GOT1: variants seen among roughly 807,000 people sequenced by gnomAD.
GOT1 encodes glutamic-oxaloacetic transaminase 1.
GOT1 carries 25 observed loss-of-function variants against 48.2 expected under a neutral mutation model. That is an observed-to-expected ratio of 0.52 (90% CI 0.38 to 0.72). The LOEUF is 0.72. Ranked by LOEUF, GOT1 falls within the 30% of genes least tolerant of loss-of-function variation. The pLI is 0.00. For missense variants in GOT1, 380 were observed against 520.1 expected, an observed-to-expected ratio of 0.73 and a Z score of 2.62; for synonymous variants, 188 against 193.8, an observed-to-expected ratio of 0.97 and a Z score of 0.25.
At chr10:99,406,073 C>A in intron 4 of GOT1, 64 bp downstream of exon 4, 2 of 1,148,672 alleles carry the variant, frequency 1.7e-6, no homozygotes, top group Non-Finnish European at 2.6e-6. Flanking sequence ...GCAACTGGTC[C>A]AAAGACTTTG....
At chr10:99,399,144 C>G (rs1327523893) in intron 8 of GOT1, among the ~76,000 whole-genome samples, 1 of 152,204 alleles carries the variant, frequency 6.6e-6, no homozygotes, top group Non-Finnish European at 1.5e-5. Context: ...AGATCTGTAT[C>G]TGTAGAGAAA....
chr10:99,402,426 A>T (rs1337622310), intron 8 of GOT1, among the ~76,000 whole-genome samples, 154 bp downstream of exon 8: 1 of 152,230 alleles, frequency 6.6e-6, no homozygotes, highest in African/African-American at 2.4e-5. Flanking sequence ...AGATGGTGGG[A>T]CACCCTAAGA....
chr10:99,406,899 A>G lies in GOT1; in HGVS notation c.301-50T>C, dbSNP rs771193767. ...AGGCTGATAATGGTGAGGTCAGATAATATTTACAAAAATAAGGTAATAATG... is the reference window on the plus strand; with the variant it reads ...AGGCTGATAATGGTGAGGTCAGATAGTATTTACAAAAATAAGGTAATAATG... On this transcript the variant is annotated intron_variant, in intron 2 of 8. Coordinates refer to ENST00000370508, the MANE Select transcript of GOT1 (RefSeq NM_002079.3). The G allele has an allele frequency of 2.5e-6, 4 of 1,588,892 alleles. No individual in the cohort carries two copies. In the Admixed American group the frequency reaches 5.0e-5, roughly 20 times the overall value.
chr10:99,400,839 G>T (rs1208246661), intron 8 of GOT1, among the ~76,000 whole-genome samples: 1 of 152,304 alleles, frequency 6.6e-6, no homozygotes, highest in East Asian at 1.9e-4. Flanking sequence ...TACTTGAGAG[G>T]CTGAGGCAGG....
intron 2 of GOT1, among the ~76,000 whole-genome samples, chr10:99,415,189 C>T (rs1371107451): frequency 4.0e-5 from 6 of 151,626 alleles, no homozygotes; most frequent in African/African-American, 7.3e-5. Flanking sequence ...ATTGATAGAC[C>T]GCTAGCAAGA....
chr10:99,411,195 G>A (rs1168276116), intron 2 of GOT1, among the ~76,000 whole-genome samples: 1 of 152,244 alleles, frequency 6.6e-6, no homozygotes, highest in Non-Finnish European at 1.5e-5. Flanking sequence ...GGCAATCAAA[G>A]CGAGAGTGGG....
chr10:99,406,934 T>G (rs886549181), intron 2 of GOT1, 85 bp from the exon 3 acceptor site: 1 of 1,260,836 alleles, frequency 7.9e-7, no homozygotes, highest in African/African-American at 1.5e-5. Context: ...GAGCACTTAC[T>G]CTATGCCTGC....
chr10:99,404,104 C>T (rs1333353575), intron 5 of GOT1, among the ~76,000 whole-genome samples: 1 of 152,186 alleles, frequency 6.6e-6, no homozygotes. Context: ...CCTAGAGTGT[C>T]CCAATTCAGC....
At chr10:99,428,873 T>C (rs2033074708) in intron 1 of GOT1, among the ~76,000 whole-genome samples, 1 of 152,176 alleles carries the variant, frequency 6.6e-6, no homozygotes, top group Non-Finnish European at 1.5e-5. Context: ...CCAAACTATG[T>C]AGTACTGACT....
chr10:99,424,739 A>T (rs1038873126), intron 1 of GOT1, among the ~76,000 whole-genome samples: 1 of 151,226 alleles, frequency 6.6e-6, no homozygotes, highest in African/African-American at 2.4e-5. Flanking sequence ...TACTGTGACT[A>T]AAAAAAAACT....
At chr10:99,429,668 G>A (rs1222558755) in intron 1 of GOT1, among the ~76,000 whole-genome samples, 1 of 152,166 alleles carries the variant, frequency 6.6e-6, no homozygotes, top group Non-Finnish European at 1.5e-5. Flanking sequence ...AATTTGAGAG[G>A]CACTCCAATA....
chr10:99,407,320 A>G (rs2032773396), intron 2 of GOT1, among the ~76,000 whole-genome samples: 1 of 152,180 alleles, frequency 6.6e-6, no homozygotes. Flanking sequence ...CATTGACATC[A>G]ATCTGTGCTA....
At chr10:99,413,660 G>T (rs2032856142) in intron 2 of GOT1, among the ~76,000 whole-genome samples, 1 of 152,236 alleles carries the variant, frequency 6.6e-6, no homozygotes, top group East Asian at 1.9e-4. Context: ...AAGTTGAAAT[G>T]AAGGAAAAAA....
chr10:99,404,875 T>A (rs2032733276), intron 5 of GOT1, among the ~76,000 whole-genome samples: 7 of 152,054 alleles, frequency 4.6e-5, no homozygotes, highest in Admixed American at 2.6e-4. Context: ...GCAGAGCACA[T>A]CCCTTCCCTG....
chr10:99,398,829 GATA>G lies in GOT1; in HGVS notation c.1103-1146_1103-1144del, dbSNP rs2032632794. Among the ~76,000 whole-genome samples the G allele has an allele frequency of 3.3e-5, 5 of 152,280 alleles. No homozygotes were observed. The South Asian group carries it at 1.0e-3, about 32-fold the overall frequency. ...TAAGCACTGCATCTTAGTTCATCCT[GATA>G]ATAACTTTATCATGCCCATTTTACA... On this transcript the variant is annotated intron_variant, in intron 8 of 8. Transcript: ENST00000370508.
chr10:99,419,023 C>G (rs533727895), intron 2 of GOT1, among the ~76,000 whole-genome samples: 3 of 152,202 alleles, frequency 2.0e-5, no homozygotes, highest in Non-Finnish European at 4.4e-5. Context: ...GTCCCAAGAC[C>G]TTCACCAGGG....
At chr10:99,410,182 T>G (rs1364580343) in intron 2 of GOT1, among the ~76,000 whole-genome samples, 3 of 152,240 alleles carry the variant, frequency 2.0e-5, no homozygotes, top group Non-Finnish European at 2.9e-5. Context: ...CCTGAATTCT[T>G]TATGCAAATT....
At chr10:99,406,608 C>T in intron 3 of GOT1, 118 bp downstream of exon 3, 2 of 985,590 alleles carry the variant, frequency 2.0e-6, no homozygotes, top group Non-Finnish European at 3.1e-6. Context: ...CTGTTCAAGC[C>T]ATTCCCAACA....
chr10:99,411,024 A>G (rs956427125), intron 2 of GOT1, among the ~76,000 whole-genome samples: 2 of 152,236 alleles, frequency 1.3e-5, no homozygotes, highest in Admixed American at 6.5e-5. Flanking sequence ...AGCAACCAGG[A>G]GCTGCCTGTG....
Sources: allele counts gnomAD v4.1 joint callset (sites outside exome capture counted in the v4.1 genomes callset), GRCh38; gene constraint gnomAD v4.1.1; transcripts MANE v1.5; gene names NCBI Gene and HGNC (gene_info 2026-07-23, HGNC 2026-07-21).